RNF34: variants seen among roughly 807,000 people sequenced by gnomAD.
RNF34 encodes ring finger protein 34.
RNF34 carries 12 observed loss-of-function variants against 37.9 expected under a neutral mutation model. The ratio of observed to expected loss-of-function variants is 0.32; its 90% CI spans 0.20 to 0.51. The LOEUF (loss-of-function observed/expected upper bound fraction) is 0.51, where lower values mean the gene tolerates loss of function less well. RNF34 is among the 20% of genes least tolerant of loss of function. The pLI, the probability that RNF34 is intolerant of heterozygous loss-of-function variation, is 0.97. For missense variants in RNF34, 362 were observed against 472.7 expected (o/e 0.77, Z 2.17); for synonymous variants, 155 against 177.2 (o/e 0.87, Z 1.00).
chr12:121,419,140 TATA>T (rs1293311284), intron 3 of RNF34, among the ~76,000 whole-genome samples: 1 of 152,250 alleles, frequency 6.6e-6, no homozygotes, highest in Non-Finnish European at 1.5e-5. Flanking sequence ...TCTGTAAGAT[TATA>T]ATACCATATT....
At chr12:121,421,371 TA>T (rs11398833) in intron 5 of RNF34, among the ~76,000 whole-genome samples, 3,048 of 46,278 alleles carry the variant, frequency 0.066, 81 homozygotes, top group East Asian at 0.21. Flanking sequence ...ATCCCATCTC[TA>T]AAAAAAAAAA....
intron 1 of RNF34, among the ~76,000 whole-genome samples, chr12:121,412,944 T>G (rs980234669): frequency 6.6e-6 from 1 of 152,050 alleles, no homozygotes; most frequent in Non-Finnish European, 1.5e-5. Flanking sequence ...CTCGAACTCT[T>G]GACCTCATGA....
chr12:121,414,457 A>G (rs190717761), intron 1 of RNF34, among the ~76,000 whole-genome samples: 1 of 152,206 alleles, frequency 6.6e-6, no homozygotes, highest in East Asian at 1.9e-4. Flanking sequence ...AAAAGGAGAC[A>G]GGTTACTCTG....
chr12:121,423,715 A>G lies in RNF34; in HGVS notation c.*139A>G. The G allele has an allele frequency of 1.3e-6, 1 of 759,338 alleles. No individual in the cohort carries two copies. The highest frequency in any genetic ancestry group is 2.1e-6 in the Non-Finnish European group (1 of 475,514). The allele number at this position is 759,338 out of a possible 1,614,324, so 47.0% of individuals were successfully genotyped here. A position where few individuals can be genotyped will look rare whatever the true frequency, so the allele number is the denominator to read the frequency against. ...TTGACTACTAAGTGGGGACAGAAAG[A>G]TCCATCCTGAGTTGTGGAAACATTG... On this transcript the variant is annotated 3_prime_UTR_variant, in exon 6 of 6. Transcript: ENST00000361234. This position sits in a 1 kb window ranked among gnomAD's most constrained non-coding sequence, Gnocchi z 4.3.
chr12:121,412,592 C>T (rs1871183527), intron 1 of RNF34, among the ~76,000 whole-genome samples: 1 of 151,688 alleles, frequency 6.6e-6, no homozygotes, highest in African/African-American at 2.4e-5. Flanking sequence ...TTGGTCAGTC[C>T]AGTCTCGAAC....
At chr12:121,416,473 T>C (rs1219827520) in intron 2 of RNF34, 96 bp downstream of exon 2, 6 of 885,080 alleles carry the variant, frequency 6.8e-6, no homozygotes, top group Non-Finnish European at 5.4e-6. Context: ...TTTCTGTTTA[T>C]AAAAATATCA....
chr12:121,411,251 A>G (rs1871028941), intron 1 of RNF34, among the ~76,000 whole-genome samples: 1 of 152,086 alleles, frequency 6.6e-6, no homozygotes, highest in Non-Finnish European at 1.5e-5. Context: ...TTATTTTATA[A>G]TGAGGGCTAA....
At chr12:121,418,691 A>G (rs1389106440) in intron 3 of RNF34, 1 of 152,056 alleles carries the variant, frequency 6.6e-6, no homozygotes, top group Non-Finnish European at 1.5e-5. Flanking sequence ...GTGAATAGCC[A>G]CTGTACCCCC....
rs1306079215 is a variant in RNF34, at chr12:121,423,793, C to A, written c.*217C>A. On this transcript the variant is annotated 3_prime_UTR_variant, in exon 6 of 6. Coordinates refer to ENST00000361234, the MANE Select transcript of RNF34 (RefSeq NM_025126.4). The surrounding 1 kb of genome is among the most constrained non-coding windows in gnomAD (Gnocchi z 4.3). ...GGACACGTGAGCTTCCCGGGCTCAG[C>A]TGGGCTTTATCACACATCCCGTGAA... 2 of 523,844 alleles carry A rather than the reference C, an allele frequency of 3.8e-6. No individual in the cohort carries two copies. Among genetic ancestry groups the A allele is most frequent in the East Asian group, 6.5e-5 (2 of 30,546 alleles). The allele number at this position is 523,844 out of a possible 1,614,324, so 32.4% of individuals were successfully genotyped here. A position where few individuals can be genotyped will look rare whatever the true frequency, so the allele number is the denominator to read the frequency against.
rs781989497 is a variant in RNF34, at chr12:121,423,773, C to T, written c.*197C>T. ...CCGTGAGCCTGTCTGCCTGTGGACA[C>T]GTGAGCTTCCCGGGCTCAGCTGGGC... On this transcript the variant is annotated 3_prime_UTR_variant, in exon 6 of 6. Coordinates refer to ENST00000361234, the MANE Select transcript of RNF34 (RefSeq NM_025126.4). This position sits in a 1 kb window ranked among gnomAD's most constrained non-coding sequence, Gnocchi z 4.3. 20 of 551,200 alleles carry T rather than the reference C, an allele frequency of 3.6e-5. No homozygotes were observed. The highest frequency in any genetic ancestry group is 9.6e-5 in the African/African-American group (5 of 52,238). 34.1% of individuals were successfully genotyped at this position (551,200 alleles called of 1,614,324 possible).
chr12:121,409,146 A>AT (rs782776114), intron 1 of RNF34, among the ~76,000 whole-genome samples: 8 of 151,876 alleles, frequency 5.3e-5, no homozygotes, highest in Non-Finnish European at 1.0e-4. Flanking sequence ...TGCCCGGCTA[A>AT]TTTTTGTATT....
chr12:121,405,517 T>C (rs1870444680), intron 1 of RNF34, among the ~76,000 whole-genome samples: 1 of 152,220 alleles, frequency 6.6e-6, no homozygotes, highest in Non-Finnish European at 1.5e-5. Flanking sequence ...AGGGTCTTGC[T>C]CTGTCACCTA....
intron 1 of RNF34, among the ~76,000 whole-genome samples, chr12:121,413,951 T>C (rs947096204): frequency 2.2e-4 from 34 of 152,218 alleles, no homozygotes; most frequent in African/African-American, 7.7e-4. Context: ...AATCCTTGGC[T>C]TTGATACTTC....
rs1221728955 is a variant in RNF34, at chr12:121,417,291, C to G, written c.226-213C>G. 6.6e-6 allele frequency among the ~76,000 whole-genome samples: 1 copy of G among 152,100 alleles called. No homozygotes were observed. Among genetic ancestry groups the G allele is most frequent in the Non-Finnish European group, 1.5e-5 (1 of 68,028 alleles). ...ACAAGAGTGTGTTTTTCTTAAAGTC[C>G]TATATTAGAACTTCTGTGAATCCAG... is the stretch of plus-strand genomic sequence containing the variant. On this transcript the variant is annotated intron_variant, in intron 2 of 5. Transcript: ENST00000361234. The surrounding 1 kb of genome is among the most constrained non-coding windows in gnomAD (Gnocchi z 5.0).
chr12:121,406,479 G>A (rs1212037884), intron 1 of RNF34, among the ~76,000 whole-genome samples: 7 of 152,150 alleles, frequency 4.6e-5, no homozygotes, highest in Non-Finnish European at 1.0e-4. Flanking sequence ...TAGAGATGGC[G>A]TTTCACCACG....
At chr12:121,406,628 A>G (rs1165412703) in intron 1 of RNF34, among the ~76,000 whole-genome samples, 2 of 152,170 alleles carry the variant, frequency 1.3e-5, no homozygotes, top group Non-Finnish European at 2.9e-5. Context: ...TTTAACTGAT[A>G]TAAGCCAGGC....
chr12:121,402,715 T>C (rs1330184123), intron 1 of RNF34: 3 of 1,481,748 alleles, frequency 2.0e-6, no homozygotes, highest in Non-Finnish European at 2.8e-6. Context: ...TGAATGTAAT[T>C]CCTTTTCCTT....
intron 1 of RNF34, among the ~76,000 whole-genome samples, chr12:121,413,119 C>T (rs1433722408): frequency 2.1e-5 from 3 of 145,786 alleles, no homozygotes; most frequent in Non-Finnish European, 3.0e-5. Flanking sequence ...TCCGCCTCCC[C>T]GGTTCAAGCG....
Position 121,420,114 on chromosome 12 carries a change from A to T in RNF34, c.634-128A>T. 3.6e-6 allele frequency: 3 copies of T among 825,124 alleles called. No individual in the cohort carries two copies. The South Asian group carries it at 5.2e-5, about 14-fold the overall frequency. The allele number at this position is 825,124 out of a possible 1,614,324, so 51.1% of individuals were successfully genotyped here. On this transcript the variant is annotated intron_variant, in intron 3 of 5. Transcript: ENST00000361234. ...CCAACTTTTTGGAAGGGTCAGCAGC[A>T]TTCTGAATCCAAAGATGTGCATTAT...
Sources: allele counts gnomAD v4.1 joint callset (sites outside exome capture counted in the v4.1 genomes callset), GRCh38; gene constraint gnomAD v4.1.1; non-coding constraint Gnocchi (gnomAD v3.1); transcripts MANE v1.5; gene names NCBI Gene and HGNC (gene_info 2026-07-23, HGNC 2026-07-21).